Variants in MSI2 observed in about 807,000 individuals in gnomAD.
The protein encoded by MSI2 is RNA-binding protein Musashi homolog 2.
A neutral mutation model predicts 45.6 loss-of-function variants in MSI2; 17 were observed. The ratio of observed to expected loss-of-function variants is 0.37; its 90% CI spans 0.26 to 0.56. The LOEUF (loss-of-function observed/expected upper bound fraction) is 0.56, where lower values mean the gene tolerates loss of function less well. MSI2 is among the 20% of genes least tolerant of loss of function. The pLI is 0.77. For synonymous variants in MSI2, 156 were observed against 158.2 expected (o/e 0.99, Z 0.11); for missense variants, 293 against 444.2 (o/e 0.66, Z 3.06).
intron 5 of MSI2, among the ~76,000 whole-genome samples, chr17:57,300,598 A>G (rs989525319): frequency 1.3e-5 from 2 of 152,210 alleles, no homozygotes; most frequent in East Asian, 1.9e-4. Flanking sequence ...TGATGTATTC[A>G]TGGGTGTATT....
intron 9 of MSI2, chr17:57,616,664 GTTTGTTCTGAC>G (rs1323549914): frequency 6.6e-6 from 1 of 151,538 alleles, no homozygotes; most frequent in Non-Finnish European, 1.5e-5. Flanking sequence ...GACAAAGTGT[GTTTGTTCTGAC>G]TAAAAATGAT....
chr17:57,370,047 C>G (rs1296001331), intron 5 of MSI2, among the ~76,000 whole-genome samples: 1 of 152,238 alleles, frequency 6.6e-6, no homozygotes, highest in Non-Finnish European at 1.5e-5. Context: ...CCTTAAAACA[C>G]TGTCGCTGGG....
intron 7 of MSI2, among the ~76,000 whole-genome samples, chr17:57,544,171 G>A (rs557431478): frequency 2.7e-4 from 41 of 152,262 alleles, no homozygotes; most frequent in African/African-American, 7.7e-4. Flanking sequence ...TGAATTGGAC[G>A]TGGCCCTCGG....
At chr17:57,487,152 G>A (rs976261229) in intron 6 of MSI2, among the ~76,000 whole-genome samples, 4 of 152,208 alleles carry the variant, frequency 2.6e-5, no homozygotes, top group African/African-American at 9.6e-5. Context: ...CGGGGTGAGG[G>A]AGGAGGCTCA....
chr17:57,322,697 A>G (rs1913448520), intron 5 of MSI2, among the ~76,000 whole-genome samples: 1 of 152,150 alleles, frequency 6.6e-6, no homozygotes, highest in African/African-American at 2.4e-5. Flanking sequence ...GGTCTTGGCT[A>G]CTAAGGGACA....
At chr17:57,315,210 T>G (rs541136486) in intron 5 of MSI2, among the ~76,000 whole-genome samples, 31 of 152,314 alleles carry the variant, frequency 2.0e-4, no homozygotes, top group African/African-American at 7.5e-4. Context: ...GCTCATGGTC[T>G]TTGGAGCCAA....
intron 7 of MSI2, among the ~76,000 whole-genome samples, chr17:57,549,273 G>T (rs1356042575): frequency 1.4e-5 from 2 of 145,260 alleles, no homozygotes; most frequent in Non-Finnish European, 3.0e-5. Context: ...GCCTGCAGGG[G>T]TTTATGCTTT....
chr17:57,501,185 T>C (rs935517614), intron 6 of MSI2, among the ~76,000 whole-genome samples: 1 of 152,178 alleles, frequency 6.6e-6, no homozygotes, highest in Admixed American at 6.5e-5. Context: ...AAGCCAAGTC[T>C]CTGTGGCCCT....
chr17:57,650,004 G>C (rs1460680005), intron 10 of MSI2, among the ~76,000 whole-genome samples: 1 of 152,192 alleles, frequency 6.6e-6, no homozygotes, highest in African/African-American at 2.4e-5. Context: ...CTCCAGGGTG[G>C]AGATGAAATT....
At chr17:57,384,394 A>G (rs4793851) in intron 5 of MSI2, among the ~76,000 whole-genome samples, 146,792 of 152,290 alleles carry the variant, frequency 0.96, 70,932 homozygotes, top group East Asian at 1. Flanking sequence ...GTCTGTCTAT[A>G]TGGTTGGGCT....
intron 5 of MSI2, among the ~76,000 whole-genome samples, chr17:57,282,262 A>T (rs538917670): frequency 4.6e-5 from 7 of 152,238 alleles, no homozygotes; most frequent in African/African-American, 1.7e-4. Flanking sequence ...AGCAGCTTGG[A>T]GGGCCAGTTG....
intron 5 of MSI2, among the ~76,000 whole-genome samples, chr17:57,339,358 T>C (rs2143777871): frequency 6.6e-6 from 1 of 152,318 alleles, no homozygotes; most frequent in South Asian, 2.1e-4. Flanking sequence ...CATGCACGCT[T>C]AAGAAAGTCA....
intron 5 of MSI2, among the ~76,000 whole-genome samples, chr17:57,297,670 A>C (rs971082450): frequency 6.6e-6 from 1 of 152,176 alleles, no homozygotes; most frequent in Non-Finnish European, 1.5e-5. Flanking sequence ...ATGCTGTTTG[A>C]TAGCATTTTA....
rs1037596459 is a variant in MSI2 at position 57,667,328 on chromosome 17, T to A, written c.791-7644T>A. ...CTGCTTCAGCCAAACCATAAACATTTGTCTCCCGGGTTGGTTTTCCCTCCT... is the reference window on the plus strand; with the variant it reads ...CTGCTTCAGCCAAACCATAAACATTAGTCTCCCGGGTTGGTTTTCCCTCCT... On this transcript the variant is annotated intron_variant, in intron 11 of 13. Coordinates refer to ENST00000284073, the MANE Select transcript of MSI2 (RefSeq NM_138962.4). 1.1e-4 allele frequency among the ~76,000 whole-genome samples: 16 copies of A among 152,274 alleles called. No homozygotes were observed. In the South Asian group the frequency reaches 1.2e-3, roughly 12 times the overall value.
intron 7 of MSI2, among the ~76,000 whole-genome samples, chr17:57,546,015 G>A (rs115004166): frequency 0.011 from 1,673 of 152,288 alleles, 42 homozygotes; most frequent in African/African-American, 0.038. Context: ...CTCGACAGCC[G>A]AGGGGCAGCT....
intron 5 of MSI2, 52 bp downstream of exon 5, chr17:57,262,244 G>C: frequency 6.3e-7 from 1 of 1,588,274 alleles, no homozygotes; most frequent in South Asian, 1.1e-5. Context: ...TGATTGCCAA[G>C]AATTTCAAAT....
intron 7 of MSI2, among the ~76,000 whole-genome samples, chr17:57,554,879 C>T (rs2087395234): frequency 6.6e-6 from 1 of 152,266 alleles, no homozygotes; most frequent in Non-Finnish European, 1.5e-5. Context: ...TCCTGCTGCT[C>T]GAATTTTCAT....
intron 5 of MSI2, among the ~76,000 whole-genome samples, chr17:57,273,038 A>G (rs2143294385): frequency 6.6e-6 from 1 of 152,330 alleles, no homozygotes; most frequent in Non-Finnish European, 1.5e-5. Flanking sequence ...AAAACTAACT[A>G]GTGGATTCAT....
At chr17:57,335,749 G>C (rs1343327236) in intron 5 of MSI2, among the ~76,000 whole-genome samples, 1 of 152,196 alleles carries the variant, frequency 6.6e-6, no homozygotes, top group Non-Finnish European at 1.5e-5. Context: ...TGTTATTTTA[G>C]GTAGGATTGT....
Sources: gnomAD v4.1 joint callset for allele counts (sites outside exome capture counted in the v4.1 genomes callset) on GRCh38, gnomAD v4.1.1 for gene constraint, MANE v1.5 for transcripts, NCBI Gene and HGNC (gene_info 2026-07-23, HGNC 2026-07-21) for gene names.